The following MYO16 variants were observed in gnomAD, a reference collection of about 807,000 sequenced individuals.
MYO16 encodes myosin XVI, also known as unconventional myosin-XVI.
In MYO16, 94 loss-of-function variants were observed where a neutral mutation model predicts 205.3. The ratio of observed to expected loss-of-function variants is 0.46; its 90% CI spans 0.39 to 0.54. The LOEUF (loss-of-function observed/expected upper bound fraction) is 0.54. MYO16 is among the 20% of genes least tolerant of loss of function. MYO16 has a pLI of 0.00. For synonymous variants in MYO16, 988 were observed against 954.0 expected, an observed-to-expected ratio of 1.04 and a Z score of -0.66; for missense variants, 2,315 against 2,387.5, an observed-to-expected ratio of 0.97 and a Z score of 0.63.
chr13:108,698,759 C>T (rs1040905424), intron 2 of MYO16, among the ~76,000 whole-genome samples: 8 of 152,216 alleles, frequency 5.3e-5, no homozygotes, highest in African/African-American at 9.6e-5. Context: ...CAATAATTCT[C>T]GCCTTTTTGA....
At chr13:109,105,128 G>A (rs1392456960) in intron 28 of MYO16, among the ~76,000 whole-genome samples, 1 of 152,200 alleles carries the variant, frequency 6.6e-6, no homozygotes, top group Non-Finnish European at 1.5e-5. Flanking sequence ...CTGTAAATAA[G>A]AAACTACCAA....
At chr13:108,880,249 AT>A (rs1879546129) in intron 12 of MYO16, among the ~76,000 whole-genome samples, 1 of 152,148 alleles carries the variant, frequency 6.6e-6, no homozygotes, top group East Asian at 1.9e-4. Context: ...TTCTTTGTAG[AT>A]TCTGGATATT....
chr13:108,996,369 A>G (rs1159122233), intron 21 of MYO16, among the ~76,000 whole-genome samples: 2 of 152,182 alleles, frequency 1.3e-5, no homozygotes, highest in African/African-American at 2.4e-5. Flanking sequence ...GACATGTACA[A>G]CAGCTGAATG....
At chr13:109,089,959 C>T (rs192851298) in intron 27 of MYO16, among the ~76,000 whole-genome samples, 68 of 152,296 alleles carry the variant, frequency 4.5e-4, no homozygotes, top group Admixed American at 2.0e-4. Flanking sequence ...CCTGGGGCTG[C>T]GAGGCAGCCC....
At chr13:108,785,278 G>A (rs149740084) in intron 4 of MYO16, among the ~76,000 whole-genome samples, 1 of 152,218 alleles carries the variant, frequency 6.6e-6, no homozygotes, top group East Asian at 1.9e-4. Context: ...AATCTTTGAA[G>A]GCATCAGACA....
chr13:108,844,817 GGTTT>G (rs1304985915), intron 10 of MYO16, among the ~76,000 whole-genome samples: 3 of 152,152 alleles, frequency 2.0e-5, no homozygotes, highest in African/African-American at 7.2e-5. Context: ...GTGTTTTCTT[GGTTT>G]ATTTCAATGA....
At chr13:109,130,509 A>G (rs918491772) in intron 31 of MYO16, among the ~76,000 whole-genome samples, 4 of 152,272 alleles carry the variant, frequency 2.6e-5, no homozygotes, top group Non-Finnish European at 5.9e-5. Flanking sequence ...TAAGAATAAG[A>G]CAATTAACCA....
chr13:109,147,414 A>C (rs1354566947), intron 32 of MYO16, among the ~76,000 whole-genome samples: 2 of 152,138 alleles, frequency 1.3e-5, no homozygotes, highest in Non-Finnish European at 2.9e-5. Flanking sequence ...GGTGTGTGCA[A>C]ATTGCTATTC....
At chr13:108,600,348 T>C (rs1878718170) in intron 1 of MYO16, among the ~76,000 whole-genome samples, 3 of 152,196 alleles carry the variant, frequency 2.0e-5, no homozygotes, top group Admixed American at 2.0e-4. Flanking sequence ...TGGGTAATTA[T>C]AACATTTTAC....
At chr13:108,662,171 C>T (rs1216339258) in intron 1 of MYO16, among the ~76,000 whole-genome samples, 1 of 152,186 alleles carries the variant, frequency 6.6e-6, no homozygotes, top group Non-Finnish European at 1.5e-5. Context: ...ATAACAGTAC[C>T]TGTTCTGGTG....
chr13:108,630,763 A>G (rs1879945186), intron 1 of MYO16, among the ~76,000 whole-genome samples: 1 of 152,162 alleles, frequency 6.6e-6, no homozygotes, highest in Non-Finnish European at 1.5e-5. Flanking sequence ...TATTAAGGGA[A>G]CACATGTGTT....
intron 1 of MYO16, among the ~76,000 whole-genome samples, chr13:108,651,971 G>A (rs950947036): frequency 6.6e-6 from 1 of 152,084 alleles, no homozygotes; most frequent in Non-Finnish European, 1.5e-5. Context: ...TTTAGGCTCT[G>A]GGGGAGTAGG....
chr13:109,061,004 A>G (rs758416552), intron 27 of MYO16, among the ~76,000 whole-genome samples: 10 of 152,152 alleles, frequency 6.6e-5, no homozygotes, highest in Non-Finnish European at 1.3e-4. Flanking sequence ...CTTTACATCA[A>G]ATGTGCTGTT....
intron 4 of MYO16, among the ~76,000 whole-genome samples, chr13:108,781,718 A>C (rs937768438): frequency 6.6e-6 from 1 of 150,732 alleles, no homozygotes; most frequent in African/African-American, 2.4e-5. Flanking sequence ...TCTCACACAG[A>C]ATTCCCACTT....
chr13:108,525,524 A>G, the MYO16 span, among the ~76,000 whole-genome samples: 1 of 152,270 alleles, frequency 6.6e-6, no homozygotes, highest in Admixed American at 6.5e-5. Context: ...AGATGATAGA[A>G]GCACACACTA....
chr13:108,899,074 G>A (rs1880582346), intron 15 of MYO16, among the ~76,000 whole-genome samples: 1 of 152,086 alleles, frequency 6.6e-6, no homozygotes, highest in African/African-American at 2.4e-5. Flanking sequence ...GTATTTTGCA[G>A]CAAGTCTATG....
At chr13:108,643,664 T>C (rs910113670) in intron 1 of MYO16, among the ~76,000 whole-genome samples, 1 of 152,246 alleles carries the variant, frequency 6.6e-6, no homozygotes, top group African/African-American at 2.4e-5. Flanking sequence ...GGATTCTCTT[T>C]GATGGATATA....
At chr13:109,205,513 T>C (rs1594186382) in intron 34 of MYO16, among the ~76,000 whole-genome samples, 1 of 152,216 alleles carries the variant, frequency 6.6e-6, no homozygotes. Context: ...AGTTAGTGCT[T>C]TGGAGGTAGG....
At chr13:108,676,761 G>A (rs117582245) in intron 2 of MYO16, among the ~76,000 whole-genome samples, 2,726 of 152,256 alleles carry the variant, frequency 0.018, 43 homozygotes, top group Non-Finnish European at 0.025. Flanking sequence ...TGTTACTCTG[G>A]TAGTCCCAGG....
Sources: allele counts gnomAD v4.1 joint callset (sites outside exome capture counted in the v4.1 genomes callset), GRCh38; gene constraint gnomAD v4.1.1; transcripts MANE v1.5; gene names NCBI Gene and HGNC (gene_info 2026-07-23, HGNC 2026-07-21).